Variants in DHRS3 observed in about 807,000 individuals in gnomAD.
DHRS3 encodes dehydrogenase/reductase 3, also known as short-chain dehydrogenase/reductase 3.
A neutral mutation model predicts 27.2 loss-of-function variants in DHRS3; 14 were observed. The observed-to-expected ratio is 0.52, with a 90% CI of 0.34 to 0.81. The LOEUF (loss-of-function observed/expected upper bound fraction) is 0.81. DHRS3 is among the 30% of genes least tolerant of loss of function. The pLI is 0.01. For synonymous variants in DHRS3, 165 were observed against 175.9 expected (o/e 0.94, Z 0.49); for missense variants, 322 against 406.2 (o/e 0.79, Z 1.78).
At chr1:12,589,053 C>T (rs1646723052) in intron 1 of DHRS3, among the ~76,000 whole-genome samples, 1 of 152,202 alleles carries the variant, frequency 6.6e-6, no homozygotes, top group Non-Finnish European at 1.5e-5. Flanking sequence ...GCTCCTGGCC[C>T]CTCCAGTAGG....
chr1:12,583,417 TATCCATCCATCC>T (rs113024057), intron 1 of DHRS3, among the ~76,000 whole-genome samples: 12 of 84,654 alleles, frequency 1.4e-4, no homozygotes, highest in Non-Finnish European at 2.5e-4. Context: ...CTCACCTACT[TATCCATCCATCC>T]ATCCATCCAT....
chr1:12,579,559 T>C (rs780900569), intron 2 of DHRS3, 147 bp from the exon 3 acceptor site: 26 of 1,234,928 alleles, frequency 2.1e-5, no homozygotes, highest in Non-Finnish European at 2.8e-5. Context: ...CACTGCCACC[T>C]CCGCCTCCTG....
At chr1:12,581,202 C>G (rs894112761) in intron 1 of DHRS3, among the ~76,000 whole-genome samples, 1 of 152,292 alleles carries the variant, frequency 6.6e-6, no homozygotes, top group Middle Eastern at 3.4e-3. Flanking sequence ...TATGATCAAT[C>G]AATTGATGTG....
At chr1:12,606,136 CAA>C (rs35154933) in intron 1 of DHRS3, among the ~76,000 whole-genome samples, 34,316 of 106,312 alleles carry the variant, frequency 0.32, 3,996 homozygotes, top group East Asian at 0.48. Flanking sequence ...GACTCTGTCT[CAA>C]AAAAAAAAAA....
chr1:12,607,362 G>A (rs116527852), intron 1 of DHRS3, among the ~76,000 whole-genome samples: 1,765 of 152,292 alleles, frequency 0.012, 44 homozygotes, highest in African/African-American at 0.04. Context: ...CATCTGCCAA[G>A]GGAGAGATGA....
chr1:12,601,886 A>C (rs1646838268), intron 1 of DHRS3, among the ~76,000 whole-genome samples: 1 of 152,236 alleles, frequency 6.6e-6, no homozygotes, highest in Non-Finnish European at 1.5e-5. Flanking sequence ...GTCAGGGCTT[A>C]GAACAGTCCC....
intron 1 of DHRS3, among the ~76,000 whole-genome samples, chr1:12,585,387 G>C (rs1208946814): frequency 1.5e-5 from 1 of 67,224 alleles, no homozygotes; most frequent in Admixed American, 1.2e-4. Context: ...GTGTGTGTCT[G>C]TGTGTGACTG....
rs758478539 is a variant in DHRS3, at chr1:12,592,144, C to A, written c.196-11478G>T. Among the ~76,000 whole-genome samples, 29 of 152,160 alleles carry A rather than the reference C, an allele frequency of 1.9e-4. No individual in the cohort carries two copies. Among genetic ancestry groups the A allele is most frequent in the Admixed American group, 3.9e-4 (6 of 15,288 alleles). On this transcript the variant is annotated intron_variant, in intron 1 of 5. Coordinates refer to ENST00000616661, the MANE Select transcript of DHRS3 (RefSeq NM_004753.7). This position sits in a 1 kb window ranked among gnomAD's most constrained non-coding sequence, Gnocchi z 4.2. ...GGGGTGGGACTGTGACAAGCACTCA[C>A]CGCCACCACAGTGAACAATCTGTGG...
chr1:12,590,910 T>G (rs1029971463), intron 1 of DHRS3, among the ~76,000 whole-genome samples: 1 of 152,210 alleles, frequency 6.6e-6, no homozygotes, highest in Admixed American at 6.5e-5. Flanking sequence ...CCAGACTTTC[T>G]AATCCCTTCC....
intron 3 of DHRS3, 136 bp from the exon 4 acceptor site, chr1:12,579,092 A>C: frequency 8.1e-7 from 1 of 1,236,156 alleles, no homozygotes; most frequent in South Asian, 1.4e-5. Flanking sequence ...GAGAGGGCCG[A>C]GGGCTCCCTG....
At chr1:12,603,311 G>C (rs1024274124) in intron 1 of DHRS3, among the ~76,000 whole-genome samples, 1 of 152,236 alleles carries the variant, frequency 6.6e-6, no homozygotes, top group Non-Finnish European at 1.5e-5. Context: ...AGGGTCCATC[G>C]AGGAGAGGGA....
rs547982597 is a variant in DHRS3 at position 12,570,981 on chromosome 1, C to T, written c.824+1747G>A. On this transcript the variant is annotated intron_variant, in intron 5 of 5. Transcript: ENST00000616661. ...GCCCCTCAGCTGGGGCTCACCATGT[C>T]CCAGCAGCCAGGGCAGAAGTTGGCT... 7.2e-5 allele frequency among the ~76,000 whole-genome samples: 11 copies of T among 152,360 alleles called. No homozygotes were observed. In the East Asian group the frequency reaches 2.1e-3, roughly 29 times the overall value.
chr1:12,607,411 G>A (rs925377949), intron 1 of DHRS3, among the ~76,000 whole-genome samples: 5 of 152,178 alleles, frequency 3.3e-5, no homozygotes, highest in Non-Finnish European at 5.9e-5. Context: ...TTTCCTCTAT[G>A]CTGTTCTCAT....
At chr1:12,613,214 CT>C (rs888241221) in intron 1 of DHRS3, among the ~76,000 whole-genome samples, 4 of 152,174 alleles carry the variant, frequency 2.6e-5, no homozygotes, top group Non-Finnish European at 5.9e-5. Flanking sequence ...TTCCCGTAGT[CT>C]TTTGAGTGGA....
chr1:12,582,838 A>T (rs555243055), intron 1 of DHRS3, among the ~76,000 whole-genome samples: 1 of 125,132 alleles, frequency 8.0e-6, no homozygotes, highest in East Asian at 2.7e-4. Context: ...CGTCTACCCA[A>T]CTCCATCCAT....
intron 1 of DHRS3, among the ~76,000 whole-genome samples, chr1:12,612,821 G>A (rs1646919309): frequency 6.6e-6 from 1 of 152,112 alleles, no homozygotes; most frequent in African/African-American, 2.4e-5. Context: ...CACTTCGGGA[G>A]GCTGAGGCAG....
intron 1 of DHRS3, among the ~76,000 whole-genome samples, chr1:12,585,089 C>T (rs1278083528): frequency 7.1e-6 from 1 of 141,442 alleles, no homozygotes; most frequent in Non-Finnish European, 1.5e-5. Flanking sequence ...GTGGGTGTCT[C>T]TCTGTGTGAA....
chr1:12,574,843 AG>A lies in DHRS3; in HGVS notation c.699-1991del, dbSNP rs1646571390. Among the ~76,000 whole-genome samples, 1 of 152,326 alleles carries A rather than the reference AG, an allele frequency of 6.6e-6. No homozygotes were observed. The highest frequency in any genetic ancestry group is 1.9e-4 in the East Asian group (1 of 5,190). The stretch of plus-strand genomic sequence containing the variant: ...CATGGAAGCAGTGCAAATTCGTGGA[AG>A]AAGCATGCTTAGCTAGCCAGTTTCA... On this transcript the variant is annotated intron_variant, in intron 4 of 5. Coordinates refer to ENST00000616661, the MANE Select transcript of DHRS3 (RefSeq NM_004753.7). This position sits in a 1 kb window ranked among gnomAD's most constrained non-coding sequence, Gnocchi z 4.6.
At chr1:12,589,840 CATTATT>C (rs150189606) in intron 1 of DHRS3, among the ~76,000 whole-genome samples, 4 of 149,246 alleles carry the variant, frequency 2.7e-5, no homozygotes, top group African/African-American at 5.0e-5. Flanking sequence ...AGCTAGCTGT[CATTATT>C]ATTATTATTA....
Sources: allele counts gnomAD v4.1 joint callset (sites outside exome capture counted in the v4.1 genomes callset), GRCh38; gene constraint gnomAD v4.1.1; non-coding constraint Gnocchi (gnomAD v3.1); transcripts MANE v1.5; gene names NCBI Gene and HGNC (gene_info 2026-07-23, HGNC 2026-07-21).